The following UTRN variants were observed in gnomAD, a reference collection of about 807,000 sequenced individuals.
The protein encoded by UTRN is dystrophin-related protein 1.
A neutral mutation model predicts 463.9 loss-of-function variants in UTRN; 283 were observed. The ratio of observed to expected loss-of-function variants is 0.61; its 90% confidence interval spans 0.55 to 0.67. The LOEUF is 0.67. UTRN is among the 30% of genes least tolerant of loss of function. UTRN has a pLI of 0.00. For missense variants in UTRN, 3,922 were observed against 4,084.3 expected (o/e 0.96, Z 1.08); for synonymous variants, 1,442 against 1,431.5 (o/e 1.01, Z -0.17).
At chr6:144,453,700 C>T (rs1476285115) in intron 18 of UTRN, 82 bp from the exon 19 acceptor site, 2 of 1,094,722 alleles carry the variant, frequency 1.8e-6, no homozygotes, top group Non-Finnish European at 2.7e-6. Flanking sequence ...GTAGGAGGGC[C>T]ATTCAACTTA....
intron 51 of UTRN, among the ~76,000 whole-genome samples, chr6:144,627,952 A>T (rs1180241927): frequency 3.3e-5 from 5 of 151,674 alleles, no homozygotes; most frequent in African/African-American, 1.2e-4. Flanking sequence ...GGTGTACAAC[A>T]CCACTCCCGG....
At chr6:144,301,212 G>A (rs903830318) in intron 2 of UTRN, among the ~76,000 whole-genome samples, 1 of 152,084 alleles carries the variant, frequency 6.6e-6, no homozygotes, top group Non-Finnish European at 1.5e-5. Flanking sequence ...GTTCTATAAT[G>A]TTAACATATC....
rs201546711 is a variant in UTRN, at chr6:144,528,032, A to ATTTTTTTT, written c.5907-3006_5907-2999dup. ...GATCCATTGCTGGTAAGCTAGTGTG[A>ATTTTTTTT]TTTTTTTTTTTTTTTTTTTTTGAGA... On this transcript the variant is annotated intron_variant, in intron 41 of 74. Coordinates refer to ENST00000367545, the MANE Select transcript of UTRN (RefSeq NM_007124.3). Among the ~76,000 whole-genome samples the ATTTTTTTT allele has an allele frequency of 2.1e-4, 24 of 112,104 alleles. 2 individuals carry two copies. The highest frequency in any genetic ancestry group is 3.5e-4 in the African/African-American group (10 of 28,620). 73.5% of individuals were successfully genotyped at this position (112,104 alleles called of 152,430 possible).
At chr6:144,340,523 A>C (rs532446723) in intron 2 of UTRN, among the ~76,000 whole-genome samples, 254 of 152,106 alleles carry the variant, frequency 1.7e-3, no homozygotes, top group African/African-American at 6.0e-3. Context: ...CTTCAACATT[A>C]CCTCCTGTAG....
At chr6:144,826,993 C>A (rs940831649) in intron 66 of UTRN, among the ~76,000 whole-genome samples, 7 of 152,160 alleles carry the variant, frequency 4.6e-5, no homozygotes, top group African/African-American at 1.7e-4. Context: ...AATATGATTG[C>A]ATCCCCCTTG....
chr6:144,630,935 A>AAAGAAGAT (rs1308958607), intron 51 of UTRN, among the ~76,000 whole-genome samples: 1 of 152,126 alleles, frequency 6.6e-6, no homozygotes, highest in Non-Finnish European at 1.5e-5. Context: ...AAAGAAGAAG[A>AAAGAAGAT]AAGAAGATAC....
At chr6:144,356,448 A>G (rs1481281201) in intron 2 of UTRN, among the ~76,000 whole-genome samples, 1 of 152,246 alleles carries the variant, frequency 6.6e-6, no homozygotes, top group Non-Finnish European at 1.5e-5. Context: ...TAAAGCAGTT[A>G]GAACAGGCTG....
intron 61 of UTRN, among the ~76,000 whole-genome samples, chr6:144,787,107 C>A (rs1776360720): frequency 6.6e-6 from 1 of 152,186 alleles, no homozygotes; most frequent in South Asian, 2.1e-4. Flanking sequence ...GTAGGGATCA[C>A]TTTATCCTTA....
intron 2 of UTRN, chr6:144,330,753 A>G (rs775931946): frequency 1.2e-5 from 11 of 927,520 alleles, no homozygotes; most frequent in African/African-American, 1.8e-5. Context: ...TGGGCTATTC[A>G]CAGAGGCAGG....
intron 42 of UTRN, among the ~76,000 whole-genome samples, chr6:144,531,952 A>G (rs976020851): frequency 5.3e-5 from 8 of 152,076 alleles, no homozygotes; most frequent in African/African-American, 1.7e-4. Flanking sequence ...CCTGGCTAAC[A>G]TGGTGAAAAC....
intron 51 of UTRN, among the ~76,000 whole-genome samples, chr6:144,642,379 A>T (rs1393999610): frequency 1.3e-5 from 2 of 152,080 alleles, no homozygotes; most frequent in Non-Finnish European, 2.9e-5. Context: ...TCACCTTAAT[A>T]TCTTCTTTTT....
Position 144,836,329 on chromosome 6 carries a change from A to AAGGACC in UTRN, c.9856_9861dup (p.Asp3286_Gln3287dup), listed in dbSNP as rs1462659297. On this transcript the variant is annotated inframe_insertion, in exon 71 of 75. Coordinates refer to ENST00000367545, the MANE Select transcript of UTRN (RefSeq NM_007124.3). Reference sequence around the variant, plus strand: ...TCTACAGGTGGAGTATGAGCAGCTGAAGGACCAGCACCTCCGAAGGGGGCT... The same window carrying AAGGACC: ...TCTACAGGTGGAGTATGAGCAGCTGAAGGACCAGGACCAGCACCTCCGAAGGGGGCT... The AAGGACC allele has an allele frequency of 6.2e-7, 1 of 1,614,114 alleles. No homozygotes were observed. The highest frequency in any genetic ancestry group is 8.5e-7 in the Non-Finnish European group (1 of 1,179,982).
chr6:144,555,510 G>T (rs930706543), intron 49 of UTRN, among the ~76,000 whole-genome samples: 3 of 152,204 alleles, frequency 2.0e-5, no homozygotes, highest in African/African-American at 7.2e-5. Flanking sequence ...TCAGCTCATT[G>T]CAACAGCCAC....
rs1275287838 is a variant in UTRN at position 144,523,031 on chromosome 6, C to T, written c.5749C>T (p.Leu1917=). Residue 1917 remains leucine, a synonymous_variant, in exon 41 of 75, where the codon CTG becomes TTG. Coordinates refer to ENST00000367545, the MANE Select transcript of UTRN (RefSeq NM_007124.3). The part of the protein sequence containing the change: ...EDSLKNIKDQ[L]DKLGEQIAVI... Reference sequence around the variant, plus strand: ...ATATTTTTAGAATATCAAAGACCAACTGGACAAACTTGGAGAGCAGATTGC... The same window carrying T: ...ATATTTTTAGAATATCAAAGACCAATTGGACAAACTTGGAGAGCAGATTGC... 3.1e-6 allele frequency: 5 copies of T among 1,601,694 alleles called. No individual in the cohort carries two copies. In the South Asian group the frequency reaches 5.7e-5, roughly 18 times the overall value.
At chr6:144,768,876 A>T (rs975094685) in intron 58 of UTRN, among the ~76,000 whole-genome samples, 2 of 151,588 alleles carry the variant, frequency 1.3e-5, no homozygotes, top group Non-Finnish European at 1.5e-5. Context: ...GCCTAGTTAC[A>T]TGTCACATGT....
rs189307496 is a variant in UTRN, at chr6:144,851,156, T to G, written c.*159T>G. The G allele has an allele frequency of 2.3e-6, 2 of 875,264 alleles. No homozygotes were observed. Among genetic ancestry groups the G allele is most frequent in the African/African-American group, 3.4e-5 (2 of 59,356 alleles). The allele number at this position is 875,264 out of a possible 1,614,324, so 54.2% of individuals were successfully genotyped here. ...TACTGAAAGAGTAAAACACTGACTATCCAAAGAGAAATGGATATTTTGTTT... is the reference window on the plus strand; with the variant it reads ...TACTGAAAGAGTAAAACACTGACTAGCCAAAGAGAAATGGATATTTTGTTT... On this transcript the variant is annotated 3_prime_UTR_variant, in exon 75 of 75. Coordinates refer to ENST00000367545, the MANE Select transcript of UTRN (RefSeq NM_007124.3).
At chr6:144,839,318 G>A (rs766396785) in intron 72 of UTRN, 34 bp downstream of exon 72, 2 of 1,542,458 alleles carry the variant, frequency 1.3e-6, no homozygotes, top group Non-Finnish European at 1.8e-6. Flanking sequence ...CCTCTGCTGA[G>A]TCTGCTTTGT....
chr6:144,565,111 G>T (rs1298839457), intron 50 of UTRN, among the ~76,000 whole-genome samples: 2 of 152,140 alleles, frequency 1.3e-5, no homozygotes, highest in Admixed American at 1.3e-4. Flanking sequence ...TAAGATGTTA[G>T]ATTTGCGATA....
chr6:144,788,306 A>C (rs933699644), intron 61 of UTRN, among the ~76,000 whole-genome samples: 1 of 152,196 alleles, frequency 6.6e-6, no homozygotes, highest in Non-Finnish European at 1.5e-5. Context: ...ACAGAAAATT[A>C]ACTATATACT....
Sources: gnomAD v4.1 joint callset for allele counts (sites outside exome capture counted in the v4.1 genomes callset) on GRCh38, gnomAD v4.1.1 for gene constraint, MANE v1.5 for transcripts, NCBI Gene and HGNC (gene_info 2026-07-23, HGNC 2026-07-21) for gene names.